The following ADAMTSL1 variants were observed in gnomAD, a reference collection of about 807,000 sequenced individuals.
ADAMTSL1 encodes the protein ADAMTS-like protein 1.
Under a neutral mutation model 201.8 loss-of-function variants are expected in ADAMTSL1, and 126 were observed. The observed-to-expected ratio is 0.62, with a 90% CI of 0.54 to 0.72. The LOEUF (loss-of-function observed/expected upper bound fraction) is 0.72, where lower values mean the gene tolerates loss of function less well. ADAMTSL1 is among the 30% of genes least tolerant of loss of function. ADAMTSL1 has a pLI of 0.00. For missense variants in ADAMTSL1, 2,679 were observed against 2,277.8 expected (o/e 1.18, Z -3.59); for synonymous variants, 1,121 against 903.4 (o/e 1.24, Z -4.32).
chr9:18,752,358 C>T (rs1432376974), intron 15 of ADAMTSL1, among the ~76,000 whole-genome samples: 1 of 152,200 alleles, frequency 6.6e-6, no homozygotes, highest in East Asian at 1.9e-4. Context: ...AGGACAAAAG[C>T]TAGGTGGGAC....
At chr9:18,113,517 G>C (rs1398786335) in intron 1 of ADAMTSL1, among the ~76,000 whole-genome samples, 6 of 152,088 alleles carry the variant, frequency 3.9e-5, no homozygotes, top group African/African-American at 9.7e-5. Context: ...TCTTGAGCTA[G>C]AGCAGAAAGA....
chr9:17,914,770 A>T (rs1164416983), intron 1 of ADAMTSL1, among the ~76,000 whole-genome samples: 1 of 151,942 alleles, frequency 6.6e-6, no homozygotes, highest in Non-Finnish European at 1.5e-5. Context: ...TATCTAGAAA[A>T]CCACATTGTC....
chr9:17,942,162 G>A (rs1035447309), intron 1 of ADAMTSL1, among the ~76,000 whole-genome samples: 3 of 152,142 alleles, frequency 2.0e-5, no homozygotes, highest in Admixed American at 2.0e-4. Context: ...GGGATAGAGA[G>A]TTATTGTTTG....
At chr9:18,755,199 C>T (rs1413047104) in intron 16 of ADAMTSL1, among the ~76,000 whole-genome samples, 1 of 152,164 alleles carries the variant, frequency 6.6e-6, no homozygotes, top group African/African-American at 2.4e-5. Flanking sequence ...ACCCAGGTCA[C>T]CTGATTGCTA....
rs1361202922 is a variant in ADAMTSL1, at chr9:18,465,994, G to A, written c.208-38835G>A. Among the ~76,000 whole-genome samples, 4 of 152,102 alleles carry A rather than the reference G, an allele frequency of 2.6e-5. No individual in the cohort carries two copies. The East Asian group carries it at 7.8e-4, about 29-fold the overall frequency. On this transcript the variant is annotated intron_variant, in intron 2 of 29. Coordinates refer to the ADAMTSL1 transcript ENST00000680146. ...TCGAACTCCTGACCTCAGGTGATCT[G>A]CTCTCCTCAGCCTCCCAAAGTGCTG...
intron 9 of ADAMTSL1, among the ~76,000 whole-genome samples, chr9:18,662,686 G>T (rs528287277): frequency 6.6e-6 from 1 of 152,286 alleles, no homozygotes; most frequent in African/African-American, 2.4e-5. Flanking sequence ...TTTCACACAT[G>T]ATTATTTGCT....
At chr9:18,755,618 T>C (rs1419108075) in intron 16 of ADAMTSL1, among the ~76,000 whole-genome samples, 1 of 152,182 alleles carries the variant, frequency 6.6e-6, no homozygotes, top group Non-Finnish European at 1.5e-5. Flanking sequence ...CAGCCATATA[T>C]ATGACCTTTT....
intron 1 of ADAMTSL1, among the ~76,000 whole-genome samples, chr9:17,960,591 T>A (rs1361367653): frequency 6.6e-6 from 1 of 152,212 alleles, no homozygotes; most frequent in Non-Finnish European, 1.5e-5. Context: ...ATCTCTTCTT[T>A]GTGCACACCA....
At chr9:18,195,920 AT>A (rs1829155675) in intron 2 of ADAMTSL1, among the ~76,000 whole-genome samples, 2 of 152,128 alleles carry the variant, frequency 1.3e-5, no homozygotes, top group South Asian at 4.1e-4. Context: ...TTTTTTGGAA[AT>A]TATTTTAGCT....
intron 1 of ADAMTSL1, among the ~76,000 whole-genome samples, chr9:18,493,422 A>T (rs1358666729): frequency 6.6e-6 from 1 of 152,138 alleles, no homozygotes; most frequent in Non-Finnish European, 1.5e-5. Context: ...ACCTCTCTTC[A>T]TTCTCATTCC....
At chr9:18,068,801 A>G (rs562929256) in intron 1 of ADAMTSL1, among the ~76,000 whole-genome samples, 2 of 152,242 alleles carry the variant, frequency 1.3e-5, no homozygotes, top group Non-Finnish European at 1.5e-5. Context: ...ACATCTTTGC[A>G]TTCAAGAAGC....
At chr9:18,290,044 G>C (rs1236466379) in intron 2 of ADAMTSL1, among the ~76,000 whole-genome samples, 1 of 152,162 alleles carries the variant, frequency 6.6e-6, no homozygotes, top group Non-Finnish European at 1.5e-5. Context: ...TTCAGTGTGA[G>C]TGTGCCTGTG....
chr9:18,560,394 A>G (rs147090664), intron 3 of ADAMTSL1, among the ~76,000 whole-genome samples: 2,895 of 152,144 alleles, frequency 0.019, 97 homozygotes, highest in African/African-American at 0.066. Flanking sequence ...TTGATGTGCT[A>G]CTGGATTCAG....
chr9:18,588,917 A>ACAT (rs1554710759), intron 4 of ADAMTSL1, among the ~76,000 whole-genome samples: 2 of 142,364 alleles, frequency 1.4e-5, no homozygotes, highest in Non-Finnish European at 3.1e-5. Flanking sequence ...ATATATACAC[A>ACAT]TTTTTTTTTT....
chr9:18,428,738 G>A (rs1056245486), intron 2 of ADAMTSL1, among the ~76,000 whole-genome samples: 8 of 152,182 alleles, frequency 5.3e-5, no homozygotes, highest in African/African-American at 1.9e-4. Context: ...CATTTCAACT[G>A]TGTATTTCTT....
chr9:18,591,227 A>G (rs988397250), intron 4 of ADAMTSL1, among the ~76,000 whole-genome samples: 5 of 152,128 alleles, frequency 3.3e-5, no homozygotes, highest in African/African-American at 7.2e-5. Flanking sequence ...TATATTTACT[A>G]TTGTTACATC....
In ADAMTSL1 at chr9:18,032,475, C is replaced by T. The variant is rs185188634; in HGVS notation, c.87+125553C>T. Among the ~76,000 whole-genome samples, 11 of 152,214 alleles carry T rather than the reference C, an allele frequency of 7.2e-5. No homozygotes were observed. The South Asian group carries it at 1.2e-3, about 17-fold the overall frequency. ...AGGCTGAGCTGTGTACACCCTCCTG[C>T]GGGAGCAGCCAGGTAGGCAGTTTTG... On this transcript the variant is annotated intron_variant, in intron 1 of 29. Coordinates refer to the ADAMTSL1 transcript ENST00000680146.
At chr9:18,718,311 C>G in intron 14 of ADAMTSL1, 1 of 745,652 alleles carries the variant, frequency 1.3e-6, no homozygotes, top group Non-Finnish European at 2.5e-6. Context: ...TTGTCCATTT[C>G]TCATGTACAA....
At chr9:18,784,684 A>T (rs1488179620) in intron 19 of ADAMTSL1, among the ~76,000 whole-genome samples, 3 of 152,178 alleles carry the variant, frequency 2.0e-5, no homozygotes, top group African/African-American at 7.2e-5. Context: ...CTCCCACCAC[A>T]TCCAGGCCAG....
Sources: gnomAD v4.1 joint callset for allele counts (sites outside exome capture counted in the v4.1 genomes callset) on GRCh38, gnomAD v4.1.1 for gene constraint, MANE v1.5 for transcripts, NCBI Gene and HGNC (gene_info 2026-07-23, HGNC 2026-07-21) for gene names.